SIRPD: variants seen among roughly 807,000 people sequenced by gnomAD.
SIRPD encodes signal regulatory protein delta.
In SIRPD, 21 loss-of-function variants were observed where a neutral mutation model predicts 18.0. The observed-to-expected ratio is 1.17, with a 90% CI of 0.83 to 1.68. The LOEUF is 1.68. Among genes scored for constraint, SIRPD ranks in the 40% most tolerant of loss-of-function variants. The probability of loss-of-function intolerance (pLI) is 0.00; values close to 1 mark genes in which losing one functional copy is unlikely to be tolerated. For synonymous variants in SIRPD, 106 were observed against 92.9 expected (o/e 1.14, Z -0.81); for missense variants, 295 against 238.4 (o/e 1.24, Z -1.56).
intron 1 of SIRPD, among the ~76,000 whole-genome samples, chr20:1,553,031 G>A (rs1434981399): frequency 6.6e-6 from 1 of 152,162 alleles, no homozygotes; most frequent in Non-Finnish European, 1.5e-5. Context: ...AGGAAATACT[G>A]GTTATCCTGG....
intron 2 of SIRPD, among the ~76,000 whole-genome samples, chr20:1,545,808 C>T (rs1239284480): frequency 2.0e-5 from 3 of 152,096 alleles, no homozygotes; most frequent in Non-Finnish European, 2.9e-5. Context: ...TTTGCATGCT[C>T]ATCCTTTTTG....
intron 1 of SIRPD, among the ~76,000 whole-genome samples, chr20:1,553,394 C>T (rs2091027483): frequency 1.3e-5 from 2 of 152,140 alleles, no homozygotes. Context: ...AGAGATTCTA[C>T]CTGCCTGAAG....
rs112575107 is a variant in SIRPD at position 1,557,151 on chromosome 20, T to G, written c.73+430A>C. Among the ~76,000 whole-genome samples, 1,387 of 151,910 alleles carry G rather than the reference T, an allele frequency of 9.1e-3. 21 individuals carry two copies. Among genetic ancestry groups the G allele is most frequent in the African/African-American group, 0.033 (1,354 of 41,408 alleles). ...GCTTGTAGTCCCAGCTACTTGGGAG[T>G]TGGAGGCACGAGAATCACTTGAGCC... is the stretch of plus-strand genomic sequence containing the variant. On this transcript the variant is annotated intron_variant, in intron 1 of 3. Transcript: ENST00000381623.
chr20:1,549,137 T>C (rs1235513517), intron 2 of SIRPD, among the ~76,000 whole-genome samples: 4 of 152,178 alleles, frequency 2.6e-5, no homozygotes, highest in Non-Finnish European at 5.9e-5. Context: ...TCTAGGGTAA[T>C]TTTTCTTTCA....
intron 3 of SIRPD, among the ~76,000 whole-genome samples, chr20:1,536,365 A>G (rs2090945298): frequency 6.6e-6 from 1 of 151,670 alleles, no homozygotes; most frequent in African/African-American, 2.4e-5. Flanking sequence ...CAAACAGCCT[A>G]CAAATGATGA....
rs1052182958 is a variant in SIRPD at position 1,537,080 on chromosome 20, G to T, written c.577+75C>A. On this transcript the variant is annotated intron_variant, in intron 3 of 3. Transcript: ENST00000381623. ...ACAGAGATTCATCCGCCCCACTGCA[G>T]GTGGCGAAATGGTACCGCCGCCAAA... 4 of 1,544,990 alleles carry T rather than the reference G, an allele frequency of 2.6e-6. No individual in the cohort carries two copies. The African/African-American group carries it at 4.1e-5, about 16-fold the overall frequency.
chr20:1,544,199 T>C (rs1012913156), intron 2 of SIRPD, among the ~76,000 whole-genome samples: 1 of 152,204 alleles, frequency 6.6e-6, no homozygotes, highest in Non-Finnish European at 1.5e-5. Context: ...TATCAAATAT[T>C]GACAGTGGGA....
Position 1,534,435 on chromosome 20 carries a change from A to G in SIRPD, c.584T>C (p.Leu195Pro), listed in dbSNP as rs1315126723. The G allele has an allele frequency of 3.7e-6, 6 of 1,612,230 alleles. No individual in the cohort carries two copies. In the African/African-American group the frequency reaches 5.3e-5, roughly 14 times the overall value. The change falls in exon 4 of 4, where the codon CTG becomes CCG. Residue 195 changes from leucine (L) to proline (P), a missense_variant. Leu to Pro is a moderately conservative substitution (Grantham distance 98). Coordinates refer to ENST00000381623, the MANE Select transcript of SIRPD (RefSeq NM_178460.3). Reference protein sequence around the residue: ...CLRLLGLTGLLSK With the variant: ...CLRLLGLTGLPSK The stretch of plus-strand genomic sequence containing the variant: ...CCTTCCCTGTTTGGATTATTTTGAC[A>G]GCAAGCCTGAAATACAATAAAAATA...
rs1313212919 is a variant in SIRPD at position 1,537,323 on chromosome 20, G to A, written c.422-13C>T. ...CTTGGATTCTGCTCTGCTGAGAGAG[G>A]CAAAACTATGTGTTCCATGATATAA... On this transcript the variant is annotated splice_polypyrimidine_tract_variant and intron_variant, in intron 2 of 3. Transcript: ENST00000381623. 1.2e-5 allele frequency: 19 copies of A among 1,611,534 alleles called. No individual in the cohort carries two copies. Among genetic ancestry groups the A allele is most frequent in the Non-Finnish European group, 1.6e-5 (19 of 1,178,432 alleles).
chr20:1,539,104 T>G (rs576457764), intron 2 of SIRPD, among the ~76,000 whole-genome samples: 1 of 152,346 alleles, frequency 6.6e-6, no homozygotes, highest in South Asian at 2.1e-4. Flanking sequence ...CATTTTTATT[T>G]TTCTGATATA....
At chr20:1,540,904 C>T (rs1210326314) in intron 2 of SIRPD, among the ~76,000 whole-genome samples, 1 of 152,050 alleles carries the variant, frequency 6.6e-6, no homozygotes, top group East Asian at 1.9e-4. Context: ...TTTTTTTGTT[C>T]TTGTGTTAGT....
chr20:1,557,689 C>CT lies in SIRPD; in HGVS notation c.-37dup. The CT allele has an allele frequency of 1.2e-6, 2 of 1,605,472 alleles. No homozygotes were observed. Among genetic ancestry groups the CT allele is most frequent in the Non-Finnish European group, 1.7e-6 (2 of 1,174,132 alleles). ...CCTGGAGCTTGCTCTGCCTGAATGC[C>CT]TGTCCTGGAGATGCCCTCGACTCAG... On this transcript the variant is annotated 5_prime_UTR_variant, in exon 1 of 4. Transcript: ENST00000381623.
intron 1 of SIRPD, among the ~76,000 whole-genome samples, chr20:1,553,771 C>T (rs1356820598): frequency 6.6e-6 from 1 of 152,152 alleles, no homozygotes; most frequent in African/African-American, 2.4e-5. Flanking sequence ...GTATTTGGCA[C>T]AGGTTGTCCA....
chr20:1,555,030 A>C (rs1214366372), intron 1 of SIRPD, among the ~76,000 whole-genome samples: 1 of 152,224 alleles, frequency 6.6e-6, no homozygotes, highest in African/African-American at 2.4e-5. Context: ...ACAAAATTGC[A>C]GTTATTCACA....
intron 2 of SIRPD, among the ~76,000 whole-genome samples, chr20:1,544,833 T>C (rs2090986909): frequency 2.0e-5 from 3 of 152,172 alleles, no homozygotes; most frequent in Admixed American, 2.0e-4. Context: ...AATATCTGCA[T>C]TTGCTTGTCT....
chr20:1,554,657 C>T (rs2091032195), intron 1 of SIRPD, among the ~76,000 whole-genome samples: 1 of 151,788 alleles, frequency 6.6e-6, no homozygotes, highest in Non-Finnish European at 1.5e-5. Flanking sequence ...GGATACTGCC[C>T]CAAGCTAAGG....
At chr20:1,539,584 G>C (rs965992139) in intron 2 of SIRPD, among the ~76,000 whole-genome samples, 2 of 152,200 alleles carry the variant, frequency 1.3e-5, no homozygotes, top group African/African-American at 4.8e-5. Context: ...CAGCCTTTGA[G>C]ATTATCTCCA....
rs377578243 is a variant in SIRPD, at chr20:1,554,798, C to T, written c.74-2760G>A. 4.6e-5 allele frequency among the ~76,000 whole-genome samples: 7 copies of T among 152,242 alleles called. No individual in the cohort carries two copies. In the East Asian group the frequency reaches 1.4e-3, roughly 29 times the overall value. On this transcript the variant is annotated intron_variant, in intron 1 of 3. Transcript: ENST00000381623. ...CTCCCAGAGTAAACACTGAGGCATG[C>T]ATTCTCAATGAAGTTGCTATTTTCC...
chr20:1,555,085 A>G (rs2091034463), intron 1 of SIRPD, among the ~76,000 whole-genome samples: 1 of 152,304 alleles, frequency 6.6e-6, no homozygotes, highest in Middle Eastern at 3.4e-3. Context: ...CAATGTATAA[A>G]GGAATAAAAA....
Sources: gnomAD v4.1 joint callset for allele counts (sites outside exome capture counted in the v4.1 genomes callset) on GRCh38, gnomAD v4.1.1 for gene constraint, MANE v1.5 for transcripts, NCBI Gene and HGNC (gene_info 2026-07-23, HGNC 2026-07-21) for gene names.